TRAPPC10: variants seen among roughly 807,000 people sequenced by gnomAD.
The protein encoded by TRAPPC10 is trafficking protein particle complex subunit 10.
A neutral mutation model predicts 125.5 loss-of-function variants in TRAPPC10; 23 were observed. The observed-to-expected ratio is 0.18, with a 90% CI of 0.13 to 0.26. The LOEUF (loss-of-function observed/expected upper bound fraction) is 0.26, where lower values mean the gene tolerates loss of function less well. Ranked by LOEUF, TRAPPC10 falls within the 10% of genes least tolerant of loss-of-function variation. The pLI is 1.00. For missense variants in TRAPPC10, 1,123 were observed against 1,308.4 expected (o/e 0.86, Z 2.19); for synonymous variants, 509 against 518.0 (o/e 0.98, Z 0.24).
intron 2 of TRAPPC10, among the ~76,000 whole-genome samples, chr21:44,032,452 G>A (rs914721953): frequency 7.1e-6 from 1 of 140,720 alleles, no homozygotes; most frequent in Admixed American, 7.7e-5. Flanking sequence ...GCGCAATCTC[G>A]GCTCACTGCA....
chr21:44,087,021 G>T lies in TRAPPC10; in HGVS notation c.2539+61G>T. 2 of 1,576,768 alleles carry T rather than the reference G, an allele frequency of 1.3e-6. No individual in the cohort carries two copies. Among genetic ancestry groups the T allele is most frequent in the South Asian group, 2.3e-5 (2 of 88,050 alleles). ...CCACCTTGCCCTGCACTGTGTGGGT[G>T]TGAGGGTGAGCCTGGCCTTGCTGCC... On this transcript the variant is annotated intron_variant, in intron 16 of 22. Transcript: ENST00000291574. The surrounding 1 kb of genome is among the most constrained non-coding windows in gnomAD (Gnocchi z 4.6).
At chr21:44,044,229 G>A (rs368575570) in intron 3 of TRAPPC10, among the ~76,000 whole-genome samples, 2 of 150,508 alleles carry the variant, frequency 1.3e-5, no homozygotes, top group African/African-American at 2.4e-5. Flanking sequence ...CTTATTTTTC[G>A]TAAAAGTTTT....
intron 14 of TRAPPC10, among the ~76,000 whole-genome samples, chr21:44,083,826 C>G (rs776673288): frequency 2.0e-5 from 3 of 152,204 alleles, no homozygotes; most frequent in Non-Finnish European, 4.4e-5. Context: ...TAGGGCAGGG[C>G]TTAAATCTCG....
At chr21:44,076,474 G>C in intron 9 of TRAPPC10, 78 bp from the exon 10 acceptor site, 2 of 1,121,164 alleles carry the variant, frequency 1.8e-6, no homozygotes, top group Non-Finnish European at 2.7e-6. Flanking sequence ...TCTACCTGCA[G>C]TATGTGAAGG....
chr21:44,027,015 T>A (rs1442729404), intron 1 of TRAPPC10, among the ~76,000 whole-genome samples: 1 of 152,240 alleles, frequency 6.6e-6, no homozygotes, highest in Non-Finnish European at 1.5e-5. Context: ...GAGGACAGTG[T>A]CTTGTTAACA....
chr21:44,048,691 A>G (rs2035024693), intron 3 of TRAPPC10, among the ~76,000 whole-genome samples: 1 of 151,434 alleles, frequency 6.6e-6, no homozygotes, highest in South Asian at 2.1e-4. Flanking sequence ...ACGGGGTTTC[A>G]CCATGTTGGC....
chr21:44,036,078 A>G (rs1038666973), intron 2 of TRAPPC10, among the ~76,000 whole-genome samples: 4 of 152,110 alleles, frequency 2.6e-5, no homozygotes, highest in African/African-American at 9.7e-5. Context: ...GGAACAGAGG[A>G]CAGGTGACAT....
At position 44,087,715 on chromosome 21, in the gene TRAPPC10, C is replaced by T. The variant is rs182904683; in HGVS notation, c.2556C>T (p.Ala852=). The T allele has an allele frequency of 7.6e-5, 123 of 1,613,788 alleles. 1 individual carries two copies. Among genetic ancestry groups the T allele is most frequent in the Non-Finnish European group, 5.9e-5 (70 of 1,180,032 alleles). The change falls in exon 17 of 23, where the codon GCC becomes GCT. Residue 852 remains alanine, a synonymous_variant. Coordinates refer to ENST00000291574, the MANE Select transcript of TRAPPC10 (RefSeq NM_003274.5). This position sits in a 1 kb window ranked among gnomAD's most constrained non-coding sequence, Gnocchi z 4.6. ...CCTTCGTAGAACAGTCTTCTGAGGC[C>T]GCGCTCCGGATTCAGTCCTCCGACA... ...YSNTREQSSE[A]ALRIQSSDKV...
chr21:44,060,947 C>CT (rs1555945308), intron 6 of TRAPPC10, among the ~76,000 whole-genome samples: 3 of 143,554 alleles, frequency 2.1e-5, no homozygotes, highest in Non-Finnish European at 3.1e-5. Flanking sequence ...CACACACACA[C>CT]TTTTTTTTTG....
At position 44,094,429 on chromosome 21, in the gene TRAPPC10, CTGAGATG is replaced by C. The variant is rs563067834; in HGVS notation, c.3168+197_3168+203del. Among the ~76,000 whole-genome samples the C allele has an allele frequency of 3.9e-5, 6 of 152,284 alleles. 1 individual carries two copies. The East Asian group carries it at 9.7e-4, about 25-fold the overall frequency. ...CCCAGGTCCTTCTCAAGTGACACAT[CTGAGATG>C]CCCACACTCCTGGGGGCATCTCTAA... is the stretch of plus-strand genomic sequence containing the variant. On this transcript the variant is annotated intron_variant, in intron 20 of 22. Transcript: ENST00000291574.
chr21:44,037,243 T>C (rs2034054016), intron 2 of TRAPPC10, among the ~76,000 whole-genome samples: 3 of 152,194 alleles, frequency 2.0e-5, no homozygotes, highest in Non-Finnish European at 2.9e-5. Context: ...CGTGTGGGAT[T>C]TCTTGATGGG....
At chr21:44,027,004 C>T (rs547204189) in intron 1 of TRAPPC10, among the ~76,000 whole-genome samples, 2 of 152,152 alleles carry the variant, frequency 1.3e-5, no homozygotes, top group African/African-American at 2.4e-5. Context: ...ATTAGGTGGC[C>T]GAGGACAGTG....
chr21:44,083,328 C>T (rs1235031076), intron 14 of TRAPPC10, 26 bp downstream of exon 14: 1 of 1,600,062 alleles, frequency 6.2e-7, no homozygotes, highest in South Asian at 1.1e-5. Context: ...GGGAACTTGA[C>T]TTTCAAGTTT....
intron 1 of TRAPPC10, among the ~76,000 whole-genome samples, chr21:44,025,899 C>G (rs2147210449): frequency 7.0e-6 from 1 of 143,294 alleles, no homozygotes; most frequent in South Asian, 2.2e-4. Context: ...AAGGTAGAGA[C>G]CACAGGAAGG....
chr21:44,083,186 A>G lies in TRAPPC10; in HGVS notation c.2122A>G (p.Ser708Gly), dbSNP rs1569210947. The change falls in exon 14 of 23, where the codon AGC (serine) becomes GGC (glycine). Residue 708 changes from serine to glycine, a missense_variant. By Grantham distance (56) the Ser-to-Gly change is moderately conservative. Transcript: ENST00000291574. ...CCACATGCTCCTGAGAAGGCAGGAG[A>G]GCAGCTCCTCTCTAGAGATGCCCTC... Reference protein sequence around the residue: ...NVHMLLRRQESSSSLEMPSGV... With the variant: ...NVHMLLRRQEGSSSLEMPSGV... The G allele has an allele frequency of 1.2e-6, 2 of 1,614,084 alleles. No homozygotes were observed. Among genetic ancestry groups the G allele is most frequent in the Non-Finnish European group, 1.7e-6 (2 of 1,180,044 alleles).
At chr21:44,030,427 C>T (rs1427056001) in intron 1 of TRAPPC10, among the ~76,000 whole-genome samples, 1 of 152,098 alleles carries the variant, frequency 6.6e-6, no homozygotes, top group East Asian at 1.9e-4. Context: ...CAGAGGCTAA[C>T]TAAAGATTTT....
intron 3 of TRAPPC10, chr21:44,047,096 C>T (rs1354507327): frequency 1.6e-6 from 1 of 640,846 alleles, no homozygotes; most frequent in African/African-American, 1.8e-5. Flanking sequence ...TAATCAGACC[C>T]ATGGCGAGAT....
Position 44,092,020 on chromosome 21 carries a change from C to T in TRAPPC10, c.2968C>T (p.Leu990=). The T allele has an allele frequency of 2.5e-6, 4 of 1,614,184 alleles. No individual in the cohort carries two copies. Among genetic ancestry groups the T allele is most frequent in the Non-Finnish European group, 3.4e-6 (4 of 1,180,036 alleles). ...VDTGDSTDLQ[L]VPLNTQSQQP... ...TACCGGTGATAGTACCGACCTGCAA[C>T]TAGTACCACTGAACACGCAGTCCCA... is the stretch of plus-strand genomic sequence containing the variant. Residue 990 remains leucine, a synonymous_variant, in exon 19 of 23, where the codon CTA becomes TTA. Coordinates refer to ENST00000291574, the MANE Select transcript of TRAPPC10 (RefSeq NM_003274.5).
chr21:44,018,611 AT>A (rs1200359441), intron 1 of TRAPPC10, among the ~76,000 whole-genome samples: 1 of 151,184 alleles, frequency 6.6e-6, no homozygotes, highest in African/African-American at 2.4e-5. Flanking sequence ...AGGCAGGAGA[AT>A]TGCTTGAATC....
Sources: allele counts gnomAD v4.1 joint callset (sites outside exome capture counted in the v4.1 genomes callset), GRCh38; gene constraint gnomAD v4.1.1; non-coding constraint Gnocchi (gnomAD v3.1); transcripts MANE v1.5; gene names NCBI Gene and HGNC (gene_info 2026-07-23, HGNC 2026-07-21).